The following ABCA8 variants were observed in gnomAD, a reference collection of about 807,000 sequenced individuals.
ABCA8 encodes ATP binding cassette subfamily A member 8, also known as ABC-type organic anion transporter ABCA8.
A neutral mutation model predicts 192.3 loss-of-function variants in ABCA8; 177 were observed. The ratio of observed to expected loss-of-function variants is 0.92; its 90% CI spans 0.81 to 1.04. The LOEUF is 1.04. Among genes scored for constraint, ABCA8 ranks in the 50% least tolerant of loss-of-function variants. The pLI, the probability that ABCA8 is intolerant of heterozygous loss-of-function variation, is 0.00. For synonymous variants in ABCA8, 642 were observed against 690.2 expected (o/e 0.93, Z 1.09); for missense variants, 1,915 against 1,904.8 (o/e 1.01, Z -0.10).
At chr17:68,936,234 A>G (rs1471145600) in intron 5 of ABCA8, among the ~76,000 whole-genome samples, 1 of 152,008 alleles carries the variant, frequency 6.6e-6, no homozygotes, top group Non-Finnish European at 1.5e-5. Flanking sequence ...TTGAGAACTA[A>G]GTCACAAATT....
intron 2 of ABCA8, among the ~76,000 whole-genome samples, chr17:68,944,316 T>TAATATATATATATATATATATATA (rs1226746677): frequency 3.4e-5 from 1 of 29,274 alleles, no homozygotes; most frequent in African/African-American, 1.4e-4. Flanking sequence ...GAACTTAAAG[T>TAATATATATATATATATATATATA]TATATATATA....
intron 2 of ABCA8, among the ~76,000 whole-genome samples, chr17:68,947,019 A>G (rs960032854): frequency 4.6e-5 from 7 of 152,194 alleles, no homozygotes; most frequent in Admixed American, 6.5e-5. Context: ...GAGCCATTAA[A>G]TAATTTTTGT....
At chr17:68,894,659 T>A in intron 22 of ABCA8, 1 of 545,482 alleles carries the variant, frequency 1.8e-6, no homozygotes, top group Non-Finnish European at 3.1e-6. Context: ...TTATATATAG[T>A]CTTGATAGTA....
intron 7 of ABCA8, 85 bp from the exon 8 acceptor site, chr17:68,929,787 T>G: frequency 8.6e-7 from 1 of 1,158,652 alleles, no homozygotes; most frequent in Non-Finnish European, 1.2e-6. Context: ...TAACTCTTCA[T>G]TCACTTATTC....
intron 5 of ABCA8, among the ~76,000 whole-genome samples, chr17:68,934,920 T>C (rs2068013758): frequency 6.6e-6 from 1 of 152,152 alleles, no homozygotes; most frequent in African/African-American, 2.4e-5. Context: ...GAAAAACACC[T>C]CTCCTAGTGC....
chr17:68,921,832 T>C (rs959628552), intron 12 of ABCA8, among the ~76,000 whole-genome samples: 1 of 152,088 alleles, frequency 6.6e-6, no homozygotes, highest in African/African-American at 2.4e-5. Context: ...AGTAAGTTAT[T>C]ACATGGCTAA....
At chr17:68,935,540 C>CCATATATATATATATA (rs1555617705) in intron 5 of ABCA8, among the ~76,000 whole-genome samples, 2 of 87,290 alleles carry the variant, frequency 2.3e-5, no homozygotes, top group African/African-American at 4.7e-5. Context: ...AGTAGTATTC[C>CCATATATATATATATA]TATATATATA....
intron 2 of ABCA8, among the ~76,000 whole-genome samples, chr17:68,947,760 G>T (rs1215356305): frequency 6.6e-6 from 1 of 151,806 alleles, no homozygotes; most frequent in Non-Finnish European, 1.5e-5. Flanking sequence ...CATGTTCTGG[G>T]ATCATGTGCA....
chr17:68,926,624 A>G (rs2067706693), intron 10 of ABCA8, among the ~76,000 whole-genome samples: 1 of 152,242 alleles, frequency 6.6e-6, no homozygotes, highest in Non-Finnish European at 1.5e-5. Context: ...ACTGGAAAAA[A>G]TCAAATGAAA....
chr17:68,942,075 A>G (rs765999154), intron 2 of ABCA8, 36 bp from the exon 3 acceptor site: 15 of 1,480,356 alleles, frequency 1.0e-5, no homozygotes, highest in Middle Eastern at 1.8e-4. Flanking sequence ...TAAAATTAAT[A>G]TGAAGTTCTT....
chr17:68,954,742 G>A (rs1003906873), intron 1 of ABCA8, among the ~76,000 whole-genome samples: 4 of 152,104 alleles, frequency 2.6e-5, no homozygotes, highest in Admixed American at 6.6e-5. Flanking sequence ...AAGAGTGAGC[G>A]ATAGGAACAA....
Position 68,875,636 on chromosome 17 carries a change from TG to T in ABCA8, c.4467del (p.Ile1490SerfsTer7). ...AEAEAVCDRVAIMVSGRLRCI... is the reference protein window; with the variant it reads ...AEAEAVCDRVXIMVSGRLRCI... The stretch of plus-strand genomic sequence containing the variant: ...CACCTCAACCTCCCAGATACCATGA[TG>T]GCCACTCGGTCACACACGGCCTCAG... On this transcript the variant is annotated frameshift_variant, in exon 36 of 40. Transcript: ENST00000586539. LOFTEE classifies it high-confidence loss of function. 6.2e-7 allele frequency: 1 copy of T among 1,614,162 alleles called. No homozygotes were observed. The highest frequency in any genetic ancestry group is 8.5e-7 in the Non-Finnish European group (1 of 1,180,010).
intron 21 of ABCA8, among the ~76,000 whole-genome samples, chr17:68,896,971 T>C (rs2066780213): frequency 2.6e-5 from 4 of 152,298 alleles, no homozygotes; most frequent in Non-Finnish European, 2.9e-5. Flanking sequence ...AGGCGATAAA[T>C]TTGTGGATAA....
chr17:68,941,094 G>C (rs978804337), intron 3 of ABCA8, 132 bp from the exon 4 acceptor site: 1 of 684,850 alleles, frequency 1.5e-6, no homozygotes, highest in East Asian at 2.8e-5. Flanking sequence ...ACTGTTTAAA[G>C]TCTGCTGAAA....
Position 68,928,035 on chromosome 17 carries a change from G to A in ABCA8, c.1154C>T (p.Ser385Phe). The A allele has an allele frequency of 6.3e-7, 1 of 1,598,138 alleles. No homozygotes were observed. Among genetic ancestry groups the A allele is most frequent in the Non-Finnish European group, 8.5e-7 (1 of 1,174,676 alleles). ...GTCCGATGGATGAGGAAATGCATTAGAATTCAAATCATAGTCCAAGTGTAA... is the reference window on the plus strand; with the variant it reads ...GTCCGATGGATGAGGAAATGCATTAAAATTCAAATCATAGTCCAAGTGTAA... Reference protein sequence around the residue: ...QLLHLDYDLNSNAFPHPSDGS... With the variant: ...QLLHLDYDLNFNAFPHPSDGS... Residue 385 changes from serine to phenylalanine, a missense_variant, in exon 10 of 40, where the codon TCT becomes TTT. Transcript: ENST00000586539.
chr17:68,953,882 A>C (rs1260466049), intron 1 of ABCA8, among the ~76,000 whole-genome samples: 1 of 152,148 alleles, frequency 6.6e-6, no homozygotes, highest in East Asian at 1.9e-4. Context: ...GCAATTATCT[A>C]TAGAAGTATA....
chr17:68,882,870 GCTTAT>G (rs2066368788), intron 29 of ABCA8, 151 bp from the exon 30 acceptor site: 1 of 610,230 alleles, frequency 1.6e-6, no homozygotes, highest in Non-Finnish European at 2.6e-6. Context: ...AAACCTCCTT[GCTTAT>G]CTTATCTATA....
chr17:68,919,272 A>T (rs1219761709), intron 14 of ABCA8, 29 bp downstream of exon 14: 2 of 1,560,352 alleles, frequency 1.3e-6, no homozygotes, highest in East Asian at 4.5e-5. Flanking sequence ...CATTTTGACC[A>T]ACACATTAAC....
At position 68,919,360 on chromosome 17, in the gene ABCA8, C is replaced by A. The variant is rs1330548847; in HGVS notation, c.1729G>T (p.Glu577Ter). Reference protein sequence around the residue: ...NVQFDFLTVRENLRLFAKIKG... With the variant: ...NVQFDFLTVR ...ATTTTAGCAAAGAGTCTGAGGTTTT[C>A]TCTTACAGTGAGGAAGTCAAATTGC... The change falls in exon 14 of 40, where the codon GAA (glutamate) becomes TAA (stop). Residue 577 changes from glutamate (E) to a stop codon, truncating the protein, a stop_gained. Coordinates refer to ENST00000586539, the MANE Select transcript of ABCA8 (RefSeq NM_001288985.2). LOFTEE classifies it high-confidence loss of function. 6.2e-7 allele frequency: 1 copy of A among 1,613,962 alleles called. No individual in the cohort carries two copies. The highest frequency in any genetic ancestry group is 8.5e-7 in the Non-Finnish European group (1 of 1,179,940).
Sources: gnomAD v4.1 joint callset for allele counts (sites outside exome capture counted in the v4.1 genomes callset) on GRCh38, gnomAD v4.1.1 for gene constraint, MANE v1.5 for transcripts, NCBI Gene and HGNC (gene_info 2026-07-23, HGNC 2026-07-21) for gene names.